The following POLA2 variants were observed in gnomAD, a reference collection of about 807,000 sequenced individuals.
The protein encoded by POLA2 is DNA polymerase alpha subunit B.
A neutral mutation model predicts 82.8 loss-of-function variants in POLA2; 47 were observed. The ratio of observed to expected loss-of-function variants is 0.57; its 90% CI spans 0.45 to 0.72. The LOEUF is 0.72. Ranked by LOEUF, POLA2 falls within the 30% of genes least tolerant of loss-of-function variation. The pLI, the probability that POLA2 is intolerant of heterozygous loss-of-function variation, is 0.00. For missense variants in POLA2, 634 were observed against 728.1 expected (o/e 0.87, Z 1.49); for synonymous variants, 287 against 286.8 (o/e 1.00, Z -0.01).
rs1949710871 is a variant in POLA2 at position 65,287,621 on chromosome 11, GTT to G, written c.1007-94_1007-93del. The G allele has an allele frequency of 3.4e-6, 4 of 1,188,124 alleles. No homozygotes were observed. The East Asian group carries it at 7.4e-5, about 22-fold the overall frequency. The allele number at this position is 1,188,124 out of a possible 1,614,324, so 73.6% of individuals were successfully genotyped here. ...GTTTCACACATAAAGGACTCAATGA[GTT>G]AAATCCTGTGGCATTTCCCATCATT... is the stretch of plus-strand genomic sequence containing the variant. On this transcript the variant is annotated intron_variant, in intron 10 of 17. Coordinates refer to ENST00000265465, the MANE Select transcript of POLA2 (RefSeq NM_002689.4).
intron 8 of POLA2, among the ~76,000 whole-genome samples, chr11:65,303,804 T>C (rs971157844): frequency 2.0e-5 from 3 of 152,116 alleles, no homozygotes; most frequent in African/African-American, 7.2e-5. Flanking sequence ...AGCAGGCAGC[T>C]TGGAAAGAAA....
chr11:65,273,675 A>C (rs1035326855), intron 4 of POLA2, among the ~76,000 whole-genome samples: 1 of 152,102 alleles, frequency 6.6e-6, no homozygotes, highest in Non-Finnish European at 1.5e-5. Context: ...TATAAAAAAA[A>C]TAAAGGCAGG....
At chr11:65,266,780 T>C (rs1949465631) in intron 2 of POLA2, 74 bp downstream of exon 2, 3 of 1,517,422 alleles carry the variant, frequency 2.0e-6, no homozygotes, top group African/African-American at 2.7e-5. Flanking sequence ...TTGTGATATA[T>C]TGAGAGGAGT....
intron 9 of POLA2, 146 bp downstream of exon 9, chr11:65,281,878 C>A: frequency 1.5e-6 from 1 of 678,906 alleles, no homozygotes; most frequent in African/African-American, 1.8e-5. Context: ...CACCCCTAGG[C>A]CAGGGGTCAG....
rs1949822706 is a variant in POLA2, at chr11:65,297,333, A to C, written c.*64A>C. 6.7e-7 allele frequency: 1 copy of C among 1,492,822 alleles called. No individual in the cohort carries two copies. The highest frequency in any genetic ancestry group is 8.9e-7 in the Non-Finnish European group (1 of 1,121,136). The allele number at this position is 1,492,822 out of a possible 1,614,324, so 92.5% of individuals were successfully genotyped here. A position where few individuals can be genotyped will look rare whatever the true frequency, so the allele number is the denominator to read the frequency against. On this transcript the variant is annotated 3_prime_UTR_variant, in exon 18 of 18. Transcript: ENST00000265465. ...TAAAGTCTTAGCCAAGAGCCAAGAC[A>C]TAGCCCTGTGACAAGGTGAACAGTT...
At chr11:65,283,914 T>C (rs1949666988) in intron 10 of POLA2, among the ~76,000 whole-genome samples, 1 of 151,758 alleles carries the variant, frequency 6.6e-6, no homozygotes, top group African/African-American at 2.4e-5. Context: ...GGAAGATCAC[T>C]TGAGCCCAGG....
At position 65,294,238 on chromosome 11, in the gene POLA2, G is replaced by A. The variant is rs191375625; in HGVS notation, c.1330G>A (p.Asp444Asn). The change falls in exon 14 of 18, where the codon GAT becomes AAT. Residue 444 changes from aspartate (D) to asparagine (N), a missense_variant. Transcript: ENST00000265465. ...VYPQPPFSYS[D>N]LSREDKKQVQ... ...CCCCCAGCCGCCTTTCAGCTACTCC[G>A]ATCTGTCTCGAGAGGACAAAAAGGT... The A allele has an allele frequency of 3.0e-5, 48 of 1,613,828 alleles. 1 individual carries two copies. The highest frequency in any genetic ancestry group is 3.6e-5 in the Non-Finnish European group (43 of 1,179,890).
intron 11 of POLA2, among the ~76,000 whole-genome samples, 188 bp downstream of exon 11, chr11:65,288,028 G>A (rs1406621305): frequency 6.6e-6 from 1 of 151,968 alleles, no homozygotes; most frequent in Admixed American, 6.6e-5. Context: ...AACTTTGGCC[G>A]GGCGCAGTGG....
At chr11:65,279,480 C>G in intron 6 of POLA2, 58 bp from the exon 7 acceptor site, 1 of 1,134,074 alleles carries the variant, frequency 8.8e-7, no homozygotes, top group Non-Finnish European at 1.3e-6. Context: ...TGTATTTTCT[C>G]TTCTTGGCAA....
chr11:65,277,120 A>G (rs17145218), intron 5 of POLA2, among the ~76,000 whole-genome samples: 6,234 of 150,508 alleles, frequency 0.041, 140 homozygotes, highest in Middle Eastern at 0.057. Context: ...AAAGGTGGTG[A>G]TAGAAGCTCT....
At chr11:65,282,790 T>G (rs1949654940) in intron 10 of POLA2, among the ~76,000 whole-genome samples, 1 of 152,176 alleles carries the variant, frequency 6.6e-6, no homozygotes, top group Non-Finnish European at 1.5e-5. Flanking sequence ...TTTTTGAAGG[T>G]TGCCTTGGAA....
downstream of POLA2, among the ~76,000 whole-genome samples, chr11:65,303,536 G>A (rs1208565751): frequency 6.6e-6 from 1 of 152,004 alleles, no homozygotes; most frequent in East Asian, 1.9e-4. Flanking sequence ...AAAAAGAGGG[G>A]GTAGAGTGGT....
chr11:65,273,971 A>C (rs978031266), intron 4 of POLA2, among the ~76,000 whole-genome samples: 3 of 152,232 alleles, frequency 2.0e-5, no homozygotes, highest in African/African-American at 7.2e-5. Context: ...CCTGAGACTC[A>C]GCATTACTTG....
chr11:65,271,921 C>T (rs577070581), intron 4 of POLA2, among the ~76,000 whole-genome samples: 13 of 151,984 alleles, frequency 8.6e-5, no homozygotes, highest in East Asian at 1.9e-4. Context: ...ACAATATGTC[C>T]AGGCTAGAGA....
chr11:65,266,790 T>C lies in POLA2; in HGVS notation c.204+84T>C, dbSNP rs558090269. On this transcript the variant is annotated intron_variant, in intron 2 of 17. Transcript: ENST00000265465. ...AGGCATTGTGATATATTGAGAGGAGTGTGGGCTTTCGAGTCAGGCCTGGAT... is the reference window on the plus strand; with the variant it reads ...AGGCATTGTGATATATTGAGAGGAGCGTGGGCTTTCGAGTCAGGCCTGGAT... 16 of 1,449,098 alleles carry C rather than the reference T, an allele frequency of 1.1e-5. No individual in the cohort carries two copies. The African/African-American group carries it at 2.1e-4, about 19-fold the overall frequency. 89.8% of individuals were successfully genotyped at this position (1,449,098 alleles called of 1,614,324 possible). A position where few individuals can be genotyped will look rare whatever the true frequency, so the allele number is the denominator to read the frequency against.
At chr11:65,282,736 G>A (rs911742919) in intron 10 of POLA2, among the ~76,000 whole-genome samples, 1 of 152,180 alleles carries the variant, frequency 6.6e-6, no homozygotes, top group East Asian at 1.9e-4. Flanking sequence ...CCTGAGTTCT[G>A]CCTACATGAA....
intron 13 of POLA2, among the ~76,000 whole-genome samples, chr11:65,290,731 C>G (rs1949746405): frequency 6.6e-6 from 1 of 152,228 alleles, no homozygotes; most frequent in Non-Finnish European, 1.5e-5. Flanking sequence ...TTCTCACTCC[C>G]TTTTGTATAA....
At chr11:65,271,099 T>A (rs1949516351) in intron 4 of POLA2, among the ~76,000 whole-genome samples, 1 of 152,234 alleles carries the variant, frequency 6.6e-6, no homozygotes, top group Admixed American at 6.5e-5. Context: ...ATTTTTCTCC[T>A]TATTATTCTC....
At chr11:65,289,173 T>A in intron 12 of POLA2, 85 bp downstream of exon 12, 5 of 1,067,482 alleles carry the variant, frequency 4.7e-6, no homozygotes, top group Non-Finnish European at 7.1e-6. Context: ...TTATCCCACA[T>A]CTGTAACAAA....
Sources: allele counts gnomAD v4.1 joint callset (sites outside exome capture counted in the v4.1 genomes callset), GRCh38; gene constraint gnomAD v4.1.1; transcripts MANE v1.5; gene names NCBI Gene and HGNC (gene_info 2026-07-23, HGNC 2026-07-21).